TTN: variants seen among roughly 807,000 people sequenced by gnomAD.
The protein encoded by TTN is connectin.
Under a neutral mutation model 3,223.0 loss-of-function variants are expected in TTN, and 1,525 were observed. The ratio of observed to expected loss-of-function variants is 0.47; its 90% CI spans 0.45 to 0.49. The LOEUF (loss-of-function observed/expected upper bound fraction) is 0.49, where lower values mean the gene tolerates loss of function less well. Ranked by LOEUF, TTN falls within the 20% of genes least tolerant of loss-of-function variation. TTN has a pLI of 0.00. For synonymous variants in TTN, 14,094 were observed against 15,161.0 expected, an observed-to-expected ratio of 0.93 and a Z score of 5.17; for missense variants, 40,786 against 43,424.0, an observed-to-expected ratio of 0.94 and a Z score of 5.40.
intron 220 of TTN, 115 bp from the exon 221 acceptor site, chr2:178,640,745 T>G: frequency 1.3e-6 from 1 of 791,398 alleles, no homozygotes; most frequent in Non-Finnish European, 2.0e-6. Flanking sequence ...AAAAACCTTA[T>G]AGTTTATCAA....
intron 287 of TTN, 27 bp from the exon 288 acceptor site, chr2:178,601,198 A>C: frequency 6.6e-7 from 1 of 1,521,458 alleles, no homozygotes; most frequent in Non-Finnish European, 8.8e-7. Context: ...AGGAAGTATT[A>C]AGCGTTGTTT....
intron 294 of TTN, among the ~76,000 whole-genome samples, 163 bp downstream of exon 294, chr2:178,597,375 A>G (rs958831293): frequency 2.0e-5 from 3 of 152,140 alleles, no homozygotes; most frequent in Non-Finnish European, 4.4e-5. Context: ...AGAATAAAAA[A>G]GTAAGGAGGA....
At position 178,532,037 on chromosome 2, in the gene TTN, A is replaced by C. The variant is rs779062175; in HGVS notation, c.104578T>G (p.Ser34860Ala). 1 of 1,613,854 alleles carries C rather than the reference A, an allele frequency of 6.2e-7. No homozygotes were observed. The highest frequency in any genetic ancestry group is 1.1e-5 in the South Asian group (1 of 91,070). The change falls in exon 358 of 363, where the codon TCA becomes GCA. Residue 34860 changes from serine (S) to alanine (A), a missense_variant. Ser to Ala is a moderately conservative substitution (Grantham distance 99). Transcript: ENST00000589042. ...LMRPVSELIR[S>A]RPQPAEEYED... ...TATTCCTCAGCCGGTTGTGGACGTG[A>C]CCGGATCAGCTCAGACACTGGCCTC...
Position 178,601,054 on chromosome 2 carries a change from T to C in TTN, c.55850A>G (p.Glu18617Gly). The change falls in exon 288 of 363, where the codon GAG (glutamate) becomes GGG (glycine). Residue 18617 changes from glutamate to glycine, a missense_variant. Glu to Gly is a moderately conservative substitution (Grantham distance 98). Transcript: ENST00000589042. ...CCCAGTAGGGTCCCATGCAAGGCAC[T>C]CAACAATATAGTGGGTAACAGGGGA... is the stretch of plus-strand genomic sequence containing the variant. ...GGSPVTHYIV[E>G]CLAWDPTGTK... The C allele has an allele frequency of 1.9e-6, 3 of 1,612,816 alleles. No individual in the cohort carries two copies. Among genetic ancestry groups the C allele is most frequent in the Non-Finnish European group, 2.5e-6 (3 of 1,179,256 alleles).
rs1252443141 is a variant in TTN, at chr2:178,601,243, A to C, written c.55732+22T>G. On this transcript the variant is annotated intron_variant, in intron 287 of 362. Transcript: ENST00000589042. ...TACTTCAATTTTGAGAAGATATTTT[A>C]AATTTAGATTTTAAAGCTTACATAT... 13 of 1,521,258 alleles carry C rather than the reference A, an allele frequency of 8.5e-6. No homozygotes were observed. The East Asian group carries it at 2.7e-4, about 32-fold the overall frequency. 94.2% of individuals were successfully genotyped at this position (1,521,258 alleles called of 1,614,324 possible).
At position 178,541,567 on chromosome 2, in the gene TTN, C is replaced by T. The variant is rs768612570; in HGVS notation, c.97510G>A (p.Glu32504Lys). The change falls in exon 350 of 363, where the codon GAA becomes AAA. Residue 32504 changes from glutamate (E) to lysine (K), a missense_variant. Physicochemically the swap from Glu to Lys is moderately conservative, Grantham distance 56. Coordinates refer to ENST00000589042, the MANE Select transcript of TTN (RefSeq NM_001267550.2). ...GAAACATCAAATATCTGTAATGTTTCTGGGGGTCCAGGAATACCTGCAGCA... is the reference window on the plus strand; with the variant it reads ...GAAACATCAAATATCTGTAATGTTTTTGGGGGTCCAGGAATACCTGCAGCA... ...RSSIRIPGPP[E>K]TLQIFDVSRD... 6.2e-6 allele frequency: 10 copies of T among 1,608,818 alleles called. No homozygotes were observed. The South Asian group carries it at 1.0e-4, about 16-fold the overall frequency.
At position 178,604,291 on chromosome 2, in the gene TTN, G is replaced by T. The variant is rs747883756; in HGVS notation, c.54396C>A (p.Ile18132=). Residue 18132 remains isoleucine, a synonymous_variant, in exon 282 of 363, where the codon ATC becomes ATA. Coordinates refer to ENST00000589042, the MANE Select transcript of TTN (RefSeq NM_001267550.2). ...CTCGGAACTCATACTGACCATTGGGGATAAGTTTCCAGATCTAGAAATTAG... is the reference window on the plus strand; with the variant it reads ...CTCGGAACTCATACTGACCATTGGGTATAAGTTTCCAGATCTAGAAATTAG... ...VEKRYGIWKL[I]PNGQYEFRVR... is the part of the protein sequence containing the mutation. 6.8e-7 allele frequency: 1 copy of T among 1,461,014 alleles called. No homozygotes were observed. Among genetic ancestry groups the T allele is most frequent in the South Asian group, 1.7e-5 (1 of 60,468 alleles). The allele number at this position is 1,461,014 out of a possible 1,614,324, so 90.5% of individuals were successfully genotyped here.
In TTN at chr2:178,664,545, G is replaced by C. The variant is rs753967211; in HGVS notation, c.36203-8C>G. 6.2e-7 allele frequency: 1 copy of C among 1,608,730 alleles called. No homozygotes were observed. The highest frequency in any genetic ancestry group is 8.5e-7 in the Non-Finnish European group (1 of 1,178,078). On this transcript the variant is annotated splice_region_variant and splice_polypyrimidine_tract_variant and intron_variant, in intron 167 of 362. Transcript: ENST00000589042. ...CTCTGAGAGCCTCCGGCACTTTGAAGATATTAATAATTTTACATTTAGAAG... is the reference window on the plus strand; with the variant it reads ...CTCTGAGAGCCTCCGGCACTTTGAACATATTAATAATTTTACATTTAGAAG...
At chr2:178,645,808 T>G (rs1235776238) in intron 217 of TTN, 112 bp downstream of exon 217, 6 of 615,896 alleles carry the variant, frequency 9.7e-6, no homozygotes, top group Non-Finnish European at 1.6e-5. Context: ...AGTACAATCA[T>G]GTCTGAAAGT....
chr2:178,638,819 G>A (rs1249572009), intron 223 of TTN, among the ~76,000 whole-genome samples: 2 of 151,878 alleles, frequency 1.3e-5, no homozygotes, highest in African/African-American at 2.4e-5. Context: ...TGGGATGCAT[G>A]TGCAGTTTTG....
intron 47 of TTN, among the ~76,000 whole-genome samples, chr2:178,742,244 T>C (rs2082628667): frequency 6.6e-6 from 1 of 151,708 alleles, no homozygotes; most frequent in Admixed American, 6.6e-5. Context: ...GCTAATTAAA[T>C]AGTTATAATA....
In TTN at chr2:178,571,392, T is replaced by C. The variant is rs761941413; in HGVS notation, c.74740A>G (p.Thr24914Ala). The C allele has an allele frequency of 1.9e-5, 30 of 1,613,154 alleles. No individual in the cohort carries two copies. The highest frequency in any genetic ancestry group is 1.3e-5 in the Non-Finnish European group (15 of 1,179,546). The change falls in exon 326 of 363, where the codon ACT (threonine) becomes GCT (alanine). Residue 24914 changes from threonine to alanine, a missense_variant. By Grantham distance (58) the Thr-to-Ala change is moderately conservative. Transcript: ENST00000589042. ...YPFKVPGPPG[T>A]PVVTLSSRDS... ...CTGGAGGACAGTGTGACAACTGGAG[T>C]GCCAGGAGGACCAGGAACTTTGAAT...
In TTN at chr2:178,575,569, T is replaced by C. The variant is rs373686744; in HGVS notation, c.70563A>G (p.Thr23521=). 3.1e-6 allele frequency: 5 copies of C among 1,613,602 alleles called. No individual in the cohort carries two copies. Among genetic ancestry groups the C allele is most frequent in the Non-Finnish European group, 4.2e-6 (5 of 1,179,670 alleles). ...AGGCTTTTACGGGCTCTGTAGTTTC[T>C]GTTGGCTCACCAATTCCATATTCAT... The part of the protein sequence containing the change: ...AENEYGIGEP[T]ETTEPVKASE... Residue 23521 remains threonine (T), a synonymous_variant, in exon 326 of 363, where the codon ACA becomes ACG. Coordinates refer to ENST00000589042, the MANE Select transcript of TTN (RefSeq NM_001267550.2). This position sits in a 1 kb window ranked among gnomAD's most constrained non-coding sequence, Gnocchi z 4.0.
rs758924238 is a variant in TTN, at chr2:178,735,664, G to A, written c.14782C>T (p.Leu4928Phe). 5 of 1,613,776 alleles carry A rather than the reference G, an allele frequency of 3.1e-6. No individual in the cohort carries two copies. The highest frequency in any genetic ancestry group is 4.2e-6 in the Non-Finnish European group (5 of 1,179,804). ...ATCTTATAATCTTTCCCTGGGGGGA[G>A]TTTTTGCCCATCTTTGCTCCACGTA... ...TVTWSKDGQK[L>F]PPGKDYKICF... is the part of the protein sequence containing the mutation. The change falls in exon 50 of 363, where the codon CTC becomes TTC. Residue 4928 changes from leucine to phenylalanine, a missense_variant. Physicochemically the swap from Leu to Phe is conservative, Grantham distance 22 (BLOSUM62 0). Coordinates refer to ENST00000589042, the MANE Select transcript of TTN (RefSeq NM_001267550.2).
At chr2:178,685,455 A>C in intron 128 of TTN, 63 bp downstream of exon 128, 1 of 1,525,518 alleles carries the variant, frequency 6.6e-7, no homozygotes, top group East Asian at 2.3e-5. Context: ...AATTAGCTAT[A>C]AGGAAACATA....
intron 212 of TTN, 86 bp downstream of exon 212, chr2:178,649,468 C>G (rs1482595918): frequency 7.1e-7 from 1 of 1,413,934 alleles, no homozygotes; most frequent in Non-Finnish European, 9.5e-7. Context: ...CTTAGTTATG[C>G]AACAACAATG....
In TTN at chr2:178,711,439, A is replaced by C. The variant is rs2076640348; in HGVS notation, c.27887-90T>G. On this transcript the variant is annotated intron_variant, in intron 96 of 362. Transcript: ENST00000589042. The stretch of plus-strand genomic sequence containing the variant: ...ATATACAAACGCACGTATATATGCA[A>C]TTTCTATTAAAAATCAGGAATTATT... The C allele has an allele frequency of 3.9e-6, 5 of 1,287,982 alleles. No homozygotes were observed. The African/African-American group carries it at 6.0e-5, about 16-fold the overall frequency. 79.8% of individuals were successfully genotyped at this position (1,287,982 alleles called of 1,614,324 possible).
At position 178,584,781 on chromosome 2, in the gene TTN, C is replaced by A; in HGVS notation, c.64860G>T (p.Arg21620Ser). ...ALASVTKTSC[R>S]VGKLIPGQEY... is the part of the protein sequence containing the mutation. ...CCTGGCCTGGGATCAGCTTTCCAAC[C>A]CTGCAGGAAGTTTTTGTGACTGAAG... Residue 21620 changes from arginine (R) to serine (S), a missense_variant, in exon 310 of 363, where the codon AGG becomes AGT. By Grantham distance (110) the Arg-to-Ser change is moderately radical. Coordinates refer to ENST00000589042, the MANE Select transcript of TTN (RefSeq NM_001267550.2). 1 of 1,613,448 alleles carries A rather than the reference C, an allele frequency of 6.2e-7. No individual in the cohort carries two copies. Among genetic ancestry groups the A allele is most frequent in the Non-Finnish European group, 8.5e-7 (1 of 1,179,562 alleles).
chr2:178,775,685 G>A lies in TTN; in HGVS notation c.6179C>T (p.Thr2060Met), dbSNP rs775339567. Reference sequence around the variant, plus strand: ...CTTGTCAGGTTTAAAAGTTGGAATCGTGATTTTGCCTTCTTCGGCAAGAGC... The same window carrying A: ...CTTGTCAGGTTTAAAAGTTGGAATCATGATTTTGCCTTCTTCGGCAAGAGC... ...KKALAEEGKI[T>M]IPTFKPDKIE... is the part of the protein sequence containing the mutation. The change falls in exon 28 of 363, where the codon ACG becomes ATG. Residue 2060 changes from threonine (T) to methionine (M), a missense_variant. Coordinates refer to ENST00000589042, the MANE Select transcript of TTN (RefSeq NM_001267550.2). The A allele has an allele frequency of 1.9e-6, 3 of 1,614,090 alleles. No individual in the cohort carries two copies. The highest frequency in any genetic ancestry group is 2.2e-5 in the East Asian group (1 of 44,878).
Sources: allele counts gnomAD v4.1 joint callset (sites outside exome capture counted in the v4.1 genomes callset), GRCh38; gene constraint gnomAD v4.1.1; non-coding constraint Gnocchi (gnomAD v3.1); transcripts MANE v1.5; gene names NCBI Gene and HGNC (gene_info 2026-07-23, HGNC 2026-07-21).